The following CNBD1 variants were observed in gnomAD, a reference collection of about 807,000 sequenced individuals.
CNBD1 encodes the protein cyclic nucleotide-binding domain-containing protein 1.
Under a neutral mutation model 54.4 loss-of-function variants are expected in CNBD1, and 71 were observed. The observed-to-expected ratio is 1.30, with a 90% CI of 1.08 to 1.59. The LOEUF (loss-of-function observed/expected upper bound fraction) is 1.59, where lower values mean the gene tolerates loss of function less well. CNBD1 is among the 40% of genes most tolerant of loss of function. The probability of loss-of-function intolerance (pLI) is 0.00; values close to 1 mark genes in which losing one functional copy is unlikely to be tolerated. For missense variants in CNBD1, 659 were observed against 518.0 expected, an observed-to-expected ratio of 1.27 and a Z score of -2.64; for synonymous variants, 182 against 170.7, an observed-to-expected ratio of 1.07 and a Z score of -0.51.
intron 2 of CNBD1, among the ~76,000 whole-genome samples, chr8:87,409,968 A>T (rs1012551147): frequency 6.6e-6 from 1 of 151,940 alleles, no homozygotes; most frequent in Non-Finnish European, 1.5e-5. Context: ...GGTTGTAGTG[A>T]GCCGAGATAG....
chr8:87,063,428 A>T (rs1810584744), intron 4 of CNBD1, among the ~76,000 whole-genome samples: 1 of 152,180 alleles, frequency 6.6e-6, no homozygotes, highest in Non-Finnish European at 1.5e-5. Flanking sequence ...TGCTCTAGAT[A>T]AAACAGTGAT....
chr8:87,415,683 A>G (rs1807823030), intron 2 of CNBD1, among the ~76,000 whole-genome samples: 1 of 152,064 alleles, frequency 6.6e-6, no homozygotes, highest in Admixed American at 6.6e-5. Flanking sequence ...AGCATTAATG[A>G]GCATTCTAGA....
intron 4 of CNBD1, among the ~76,000 whole-genome samples, chr8:87,144,871 TA>T (rs1563485975): frequency 6.9e-6 from 1 of 145,572 alleles, no homozygotes; most frequent in Non-Finnish European, 1.5e-5. Flanking sequence ...TAAAGTTTAG[TA>T]GAGAGATAGG....
At chr8:87,090,025 C>A (rs537168084) in intron 4 of CNBD1, among the ~76,000 whole-genome samples, 1 of 151,924 alleles carries the variant, frequency 6.6e-6, no homozygotes, top group South Asian at 2.1e-4. Context: ...ACCTTTATAC[C>A]ATTTCTATTT....
intron 4 of CNBD1, among the ~76,000 whole-genome samples, chr8:87,064,960 T>G (rs1461067371): frequency 6.6e-6 from 1 of 152,008 alleles, no homozygotes; most frequent in Admixed American, 6.6e-5. Context: ...TCTCTTATCC[T>G]CTAGATGTTT....
intron 4 of CNBD1, among the ~76,000 whole-genome samples, chr8:87,118,250 G>C (rs1458446616): frequency 6.7e-6 from 1 of 149,476 alleles, no homozygotes; most frequent in Non-Finnish European, 1.5e-5. Context: ...AGGAGGCGGA[G>C]GTTGCAGTGA....
intron 6 of CNBD1, among the ~76,000 whole-genome samples, chr8:87,277,030 C>A (rs1003839461): frequency 2.0e-5 from 3 of 150,890 alleles, no homozygotes; most frequent in Non-Finnish European, 4.4e-5. Context: ...TCAATAGTTC[C>A]TTCTTACATT....
At chr8:87,260,035 C>T (rs1264889552) in intron 6 of CNBD1, among the ~76,000 whole-genome samples, 2 of 152,096 alleles carry the variant, frequency 1.3e-5, no homozygotes, top group Non-Finnish European at 1.5e-5. Context: ...AGAAAAGACT[C>T]ATTTTTTAAG....
intron 2 of CNBD1, among the ~76,000 whole-genome samples, chr8:86,895,250 CATGGTGTGTGTGTG>C: frequency 7.7e-6 from 1 of 129,918 alleles, no homozygotes; most frequent in African/African-American, 3.4e-5. Context: ...TGTGTGTGTG[CATGGTGTGTGTGTG>C]TGTGTGTGTG....
At chr8:87,167,873 A>G (rs1377513003) in intron 4 of CNBD1, among the ~76,000 whole-genome samples, 4 of 151,966 alleles carry the variant, frequency 2.6e-5, no homozygotes, top group Non-Finnish European at 5.9e-5. Flanking sequence ...TATTGTGCCA[A>G]TGTCATAGGG....
chr8:87,269,401 C>T (rs1808321002), intron 6 of CNBD1, among the ~76,000 whole-genome samples: 1 of 152,030 alleles, frequency 6.6e-6, no homozygotes, highest in South Asian at 2.1e-4. Flanking sequence ...TTTGGCAATT[C>T]AAGCTATTTT....
At chr8:87,359,976 G>A (rs1054247662) in intron 10 of CNBD1, among the ~76,000 whole-genome samples, 1 of 151,962 alleles carries the variant, frequency 6.6e-6, no homozygotes, top group Non-Finnish European at 1.5e-5. Flanking sequence ...GTTAAAAACA[G>A]CAATTCTTTT....
intron 4 of CNBD1, among the ~76,000 whole-genome samples, chr8:86,955,038 G>A (rs1302066048): frequency 1.4e-5 from 2 of 138,734 alleles, no homozygotes; most frequent in East Asian, 2.2e-4. Flanking sequence ...CTGTGTCCAA[G>A]TGTTCTCATT....
intron 8 of CNBD1, among the ~76,000 whole-genome samples, chr8:87,319,944 G>T (rs10109580): frequency 2.0e-5 from 3 of 151,654 alleles, no homozygotes; most frequent in African/African-American, 4.8e-5. Flanking sequence ...ATCTTTTCCC[G>T]TCTCTTTTTG....
At chr8:87,220,072 T>A (rs1048489398) in intron 5 of CNBD1, among the ~76,000 whole-genome samples, 2 of 152,042 alleles carry the variant, frequency 1.3e-5, no homozygotes, top group African/African-American at 4.8e-5. Context: ...TTTTAAAGGA[T>A]TAATAATTAA....
intron 4 of CNBD1, among the ~76,000 whole-genome samples, chr8:86,978,534 C>CTTTT (rs71277907): frequency 2.4e-4 from 16 of 66,704 alleles, no homozygotes; most frequent in East Asian, 4.8e-4. Context: ...ATGCTTTTAT[C>CTTTT]TTTTTTTTTT....
chr8:86,978,823 C>T (rs1398396788), intron 4 of CNBD1, among the ~76,000 whole-genome samples: 1 of 152,054 alleles, frequency 6.6e-6, no homozygotes, highest in Non-Finnish European at 1.5e-5. Context: ...CGTGACCCAC[C>T]ATCTCCAGCT....
chr8:87,138,734 G>A (rs1402948998), intron 4 of CNBD1, among the ~76,000 whole-genome samples: 1 of 152,084 alleles, frequency 6.6e-6, no homozygotes, highest in African/African-American at 2.4e-5. Context: ...TATCTGTCTT[G>A]GGGACTGTTG....
At chr8:87,271,970 G>T in intron 6 of CNBD1, among the ~76,000 whole-genome samples, 1 of 151,946 alleles carries the variant, frequency 6.6e-6, no homozygotes, top group Admixed American at 6.6e-5. Flanking sequence ...GGTTGGAAAT[G>T]GAGGTGATTG....
Sources: allele counts gnomAD v4.1 joint callset (sites outside exome capture counted in the v4.1 genomes callset), GRCh38; gene constraint gnomAD v4.1.1; transcripts MANE v1.5; gene names NCBI Gene and HGNC (gene_info 2026-07-23, HGNC 2026-07-21).